The following NUDT5 variants were observed in gnomAD, a reference collection of about 807,000 sequenced individuals.
The protein encoded by NUDT5 is nudix hydrolase 5.
A neutral mutation model predicts 34.1 loss-of-function variants in NUDT5; 21 were observed. That is an observed-to-expected ratio of 0.62 (90% CI 0.44 to 0.89). NUDT5 has a LOEUF of 0.89. NUDT5 is among the 40% of genes least tolerant of loss of function. The probability of loss-of-function intolerance (pLI) is 0.00; values close to 1 mark genes in which losing one functional copy is unlikely to be tolerated. For missense variants in NUDT5, 249 were observed against 274.8 expected (o/e 0.91, Z 0.66); for synonymous variants, 85 against 97.6 (o/e 0.87, Z 0.76).
At chr10:12,186,144 C>A in intron 2 of NUDT5, 85 bp downstream of exon 2, 1 of 1,053,610 alleles carries the variant, frequency 9.5e-7, no homozygotes, top group Non-Finnish European at 1.5e-6. Flanking sequence ...GAATGAAAGA[C>A]CACCATTGTA....
rs1476476115 is a variant in NUDT5, at chr10:12,181,987, C to A, written c.132-2855G>T. Among the ~76,000 whole-genome samples the A allele has an allele frequency of 6.6e-6, 1 of 152,042 alleles. No homozygotes were observed. The highest frequency in any genetic ancestry group is 1.5e-5 in the Non-Finnish European group (1 of 68,006). On this transcript the variant is annotated intron_variant, in intron 3 of 9. Transcript: ENST00000491614. This position sits in a 1 kb window ranked among gnomAD's most constrained non-coding sequence, Gnocchi z 5.0. ...CCTCTACTAAAAATACAAAAATCAG[C>A]CAGGCCCAGTGGCATGCACCTCTAG... is the stretch of plus-strand genomic sequence containing the variant.
At chr10:12,195,437 C>G (rs946014864) in intron 1 of NUDT5, among the ~76,000 whole-genome samples, 1 of 152,214 alleles carries the variant, frequency 6.6e-6, no homozygotes, top group African/African-American at 2.4e-5. Context: ...CGCCTTTTAC[C>G]TCCCAAAGTC....
intron 3 of NUDT5, chr10:12,184,405 G>C: frequency 1.7e-6 from 2 of 1,165,990 alleles, no homozygotes; most frequent in Non-Finnish European, 2.4e-6. Flanking sequence ...AAAGGGTACA[G>C]TATCTTTAGG....
chr10:12,194,018 A>T (rs976406528), intron 1 of NUDT5, among the ~76,000 whole-genome samples: 2 of 152,216 alleles, frequency 1.3e-5, no homozygotes, highest in Admixed American at 1.3e-4. Context: ...CTGGGACTAC[A>T]GGCATGCGCC....
chr10:12,167,595 A>T lies in NUDT5; in HGVS notation c.*107T>A. On this transcript the variant is annotated 3_prime_UTR_variant, in exon 10 of 10. Transcript: ENST00000491614. ...CACATCTGTTCTGTGCTTTTATTTT[A>T]CGAAAAAGCTAATGGCAAATCTACA... 1 of 1,071,944 alleles carries T rather than the reference A, an allele frequency of 9.3e-7. No individual in the cohort carries two copies. The highest frequency in any genetic ancestry group is 1.4e-6 in the Non-Finnish European group (1 of 722,302). 66.4% of individuals were successfully genotyped at this position (1,071,944 alleles called of 1,614,324 possible). A position where few individuals can be genotyped will look rare whatever the true frequency, so the allele number is the denominator to read the frequency against.
chr10:12,183,485 CAT>C (rs1460267468), intron 3 of NUDT5, among the ~76,000 whole-genome samples: 2 of 152,190 alleles, frequency 1.3e-5, no homozygotes, highest in African/African-American at 4.8e-5. Context: ...CATGTATTTG[CAT>C]CTTGACGATC....
intron 1 of NUDT5, among the ~76,000 whole-genome samples, chr10:12,194,126 C>T (rs1835287029): frequency 1.3e-5 from 2 of 152,308 alleles, no homozygotes; most frequent in African/African-American, 4.8e-5. Flanking sequence ...GCGCCCGCCT[C>T]GGCCTCCCAG....
intron 4 of NUDT5, 117 bp downstream of exon 4, chr10:12,178,966 C>A (rs763176862): frequency 1.8e-5 from 16 of 868,738 alleles, no homozygotes; most frequent in Non-Finnish European, 1.1e-5. Context: ...AAAACCTAAG[C>A]GGAGATTTAA....
Position 12,171,325 on chromosome 10 carries a change from C to T in NUDT5, c.488-417G>A, listed in dbSNP as rs1449725675. Among the ~76,000 whole-genome samples the T allele has an allele frequency of 6.6e-6, 1 of 152,246 alleles. No individual in the cohort carries two copies. The highest frequency in any genetic ancestry group is 1.5e-5 in the Non-Finnish European group (1 of 68,052). ...GATCCACTCAACACTAATTCCCCAT[C>T]CCTAGTAGCGCTTACTCTACTGTCT... is the stretch of plus-strand genomic sequence containing the variant. On this transcript the variant is annotated intron_variant, in intron 7 of 9. Coordinates refer to ENST00000491614, the MANE Select transcript of NUDT5 (RefSeq NM_014142.4). The surrounding 1 kb of genome is among the most constrained non-coding windows in gnomAD (Gnocchi z 4.2).
chr10:12,180,003 G>A (rs956898218), intron 3 of NUDT5, among the ~76,000 whole-genome samples: 1 of 152,190 alleles, frequency 6.6e-6, no homozygotes, highest in Non-Finnish European at 1.5e-5. Context: ...TTTAAAGGAA[G>A]TGAAACATGT....
rs1411698102 is a variant in NUDT5, at chr10:12,170,641, A to C, written c.550+76T>G. On this transcript the variant is annotated intron_variant, in intron 9 of 9. Transcript: ENST00000491614. This position sits in a 1 kb window ranked among gnomAD's most constrained non-coding sequence, Gnocchi z 4.9. ...ACAAAAAAGATAAAGAAATGGAGTTATATTTAGTACCCAGTTTGCTGGGAT... is the reference window on the plus strand; with the variant it reads ...ACAAAAAAGATAAAGAAATGGAGTTCTATTTAGTACCCAGTTTGCTGGGAT... 7.6e-7 allele frequency: 1 copy of C among 1,315,900 alleles called. No individual in the cohort carries two copies. The highest frequency in any genetic ancestry group is 1.1e-6 in the Non-Finnish European group (1 of 910,498). The allele number at this position is 1,315,900 out of a possible 1,614,324, so 81.5% of individuals were successfully genotyped here.
In NUDT5 at chr10:12,173,873, T is replaced by G; in HGVS notation, c.290-60A>C. The G allele has an allele frequency of 2.8e-5, 7 of 250,072 alleles. No homozygotes were observed. Among genetic ancestry groups the G allele is most frequent in the Non-Finnish European group, 3.1e-5 (6 of 194,512 alleles). 15.5% of individuals were successfully genotyped at this position (250,072 alleles called of 1,614,324 possible). On this transcript the variant is annotated intron_variant, in intron 5 of 9. Coordinates refer to ENST00000491614, the MANE Select transcript of NUDT5 (RefSeq NM_014142.4). The surrounding 1 kb of genome is among the most constrained non-coding windows in gnomAD (Gnocchi z 4.7). ...GAAATCCGGTTCTTTAAACCCTCCTTTTTTTTTTTTTGAGATGGAGTCTCA... is the reference window on the plus strand; with the variant it reads ...GAAATCCGGTTCTTTAAACCCTCCTGTTTTTTTTTTTGAGATGGAGTCTCA...
intron 3 of NUDT5, among the ~76,000 whole-genome samples, chr10:12,183,184 A>G (rs1242265394): frequency 6.6e-6 from 1 of 152,246 alleles, no homozygotes; most frequent in Non-Finnish European, 1.5e-5. Flanking sequence ...ATTTGAACAT[A>G]TGGTGCTCCC....
In NUDT5 at chr10:12,175,715, T is replaced by C. The variant is rs975308891; in HGVS notation, c.290-1902A>G. Among the ~76,000 whole-genome samples, 1 of 152,040 alleles carries C rather than the reference T, an allele frequency of 6.6e-6. No homozygotes were observed. The highest frequency in any genetic ancestry group is 2.4e-5 in the African/African-American group (1 of 41,456). On this transcript the variant is annotated intron_variant, in intron 5 of 9. Transcript: ENST00000491614. The surrounding 1 kb of genome is among the most constrained non-coding windows in gnomAD (Gnocchi z 4.8). ...TGGGAAGCTAAGGCGGGCAGATCAC[T>C]TGAGCCAAGGAGTTAGAGATCAGCC...
In NUDT5 at chr10:12,171,518, T is replaced by C. The variant is rs1327624139; in HGVS notation, c.488-610A>G. Reference sequence around the variant, plus strand: ...TGGGTTGTTTCCACAGAGGCGGCCATGAACACAGGCACGCAAGTATATGAG... The same window carrying C: ...TGGGTTGTTTCCACAGAGGCGGCCACGAACACAGGCACGCAAGTATATGAG... On this transcript the variant is annotated intron_variant, in intron 7 of 9. Transcript: ENST00000491614. The surrounding 1 kb of genome is among the most constrained non-coding windows in gnomAD (Gnocchi z 4.2). Among the ~76,000 whole-genome samples, 1 of 152,180 alleles carries C rather than the reference T, an allele frequency of 6.6e-6. No homozygotes were observed. The highest frequency in any genetic ancestry group is 1.5e-5 in the Non-Finnish European group (1 of 68,032).
rs1349501605 is a variant in NUDT5 at position 12,184,872 on chromosome 10, A to G, written c.131+17T>C. ...ACCCAAATAACGAACATTTTGTAAG[A>G]AAAAAAAAAAGTTTACCTAGTTTTA... On this transcript the variant is annotated intron_variant, in intron 3 of 9. Transcript: ENST00000491614. The G allele has an allele frequency of 5.3e-6, 5 of 950,652 alleles. No individual in the cohort carries two copies. The highest frequency in any genetic ancestry group is 6.0e-6 in the Non-Finnish European group (4 of 669,166). 58.9% of individuals were successfully genotyped at this position (950,652 alleles called of 1,614,324 possible). A position where few individuals can be genotyped will look rare whatever the true frequency, so the allele number is the denominator to read the frequency against.
At chr10:12,176,330 G>T (rs1026481876) in intron 5 of NUDT5, among the ~76,000 whole-genome samples, 1 of 152,222 alleles carries the variant, frequency 6.6e-6, no homozygotes, top group South Asian at 2.1e-4. Context: ...TTGGCTGGGT[G>T]TGGTAGTTTA....
rs550779994 is a variant in NUDT5, at chr10:12,173,936, G to C, written c.290-123C>G. On this transcript the variant is annotated intron_variant, in intron 5 of 9. Coordinates refer to ENST00000491614, the MANE Select transcript of NUDT5 (RefSeq NM_014142.4). This position sits in a 1 kb window ranked among gnomAD's most constrained non-coding sequence, Gnocchi z 4.7. ...GGCTGGAGTGCAGTGGTGCGATCTC[G>C]GCCCACTGCAACCTCCGCCCGTCCA... 1.4e-6 allele frequency: 1 copy of C among 709,832 alleles called. No individual in the cohort carries two copies. The highest frequency in any genetic ancestry group is 2.7e-5 in the East Asian group (1 of 37,594). The allele number at this position is 709,832 out of a possible 1,614,324, so 44.0% of individuals were successfully genotyped here. A position where few individuals can be genotyped will look rare whatever the true frequency, so the allele number is the denominator to read the frequency against.
At chr10:12,177,640 G>A (rs1834976315) in intron 5 of NUDT5, among the ~76,000 whole-genome samples, 153 bp downstream of exon 5, 1 of 152,182 alleles carries the variant, frequency 6.6e-6, no homozygotes, top group African/African-American at 2.4e-5. Context: ...GGGTGTCCTG[G>A]GGGCCTGGAG....
Sources: allele counts gnomAD v4.1 joint callset (sites outside exome capture counted in the v4.1 genomes callset), GRCh38; gene constraint gnomAD v4.1.1; non-coding constraint Gnocchi (gnomAD v3.1); transcripts MANE v1.5; gene names NCBI Gene and HGNC (gene_info 2026-07-23, HGNC 2026-07-21).